Variants in FTCDNL1 observed in about 807,000 individuals in gnomAD.
The protein encoded by FTCDNL1 is formiminotransferase cyclodeaminase N-terminal like, also known as formiminotransferase N-terminal subdomain-containing protein.
Under a neutral mutation model 5.9 loss-of-function variants are expected in FTCDNL1, and 11 were observed. The ratio of observed to expected loss-of-function variants is 1.87; its 90% CI spans 1.18 to 3.10. FTCDNL1 has a LOEUF of 3.10. Ranked by LOEUF, FTCDNL1 falls within the 30% of genes most tolerant of loss-of-function variation. FTCDNL1 has a pLI of 0.00. For synonymous variants in FTCDNL1, 58 were observed against 24.8 expected, an observed-to-expected ratio of 2.34 and a Z score of -3.99; for missense variants, 115 against 65.5, an observed-to-expected ratio of 1.76 and a Z score of -2.61.
intron 3 of FTCDNL1, chr2:199,844,509 G>A: frequency 1.6e-6 from 1 of 645,010 alleles, no homozygotes. Flanking sequence ...AAGGCCTCTA[G>A]GCAGGCAGCC....
At chr2:199,764,023 G>C (rs1016386756) in intron 3 of FTCDNL1, among the ~76,000 whole-genome samples, 35 of 152,032 alleles carry the variant, frequency 2.3e-4, no homozygotes, top group Admixed American at 1.1e-3. Context: ...TATATTTTTA[G>C]TAGATACGGG....
At chr2:199,830,280 T>C (rs896624862) in intron 3 of FTCDNL1, among the ~76,000 whole-genome samples, 3 of 152,172 alleles carry the variant, frequency 2.0e-5, no homozygotes, top group Non-Finnish European at 4.4e-5. Context: ...GCACATAAAC[T>C]AAAACTGGCC....
chr2:199,757,247 CG>C (rs1375230826), downstream of FTCDNL1, among the ~76,000 whole-genome samples: 1 of 152,040 alleles, frequency 6.6e-6, no homozygotes, highest in Non-Finnish European at 1.5e-5. Context: ...TAGGAAAACA[CG>C]AGCTGGGGAA....
At chr2:199,829,439 T>TG (rs1213469967) in intron 3 of FTCDNL1, among the ~76,000 whole-genome samples, 1 of 152,218 alleles carries the variant, frequency 6.6e-6, no homozygotes, top group Non-Finnish European at 1.5e-5. Flanking sequence ...TCTGTGAGTT[T>TG]GGTTATATTC....
At chr2:199,698,811 C>CG in the FTCDNL1 span, among the ~76,000 whole-genome samples, 1 of 151,856 alleles carries the variant, frequency 6.6e-6, no homozygotes, top group East Asian at 1.9e-4. Context: ...AAAACCCATA[C>CG]AAAAGAGAGC....
chr2:199,791,914 G>T (rs1347703204), intron 3 of FTCDNL1, among the ~76,000 whole-genome samples: 1 of 151,866 alleles, frequency 6.6e-6, no homozygotes, highest in Non-Finnish European at 1.5e-5. Flanking sequence ...TTTGTATATA[G>T]TATCACCTTT....
chr2:199,688,180 A>G, the FTCDNL1 span, among the ~76,000 whole-genome samples: 1 of 150,998 alleles, frequency 6.6e-6, no homozygotes, highest in African/African-American at 2.4e-5. Context: ...GCAGTGAACC[A>G]AGATCATGCC....
chr2:199,745,072 GCCA>G, the FTCDNL1 span, among the ~76,000 whole-genome samples: 1 of 152,230 alleles, frequency 6.6e-6, no homozygotes, highest in East Asian at 1.9e-4. Flanking sequence ...CTGCCTACCT[GCCA>G]TTTTCCCCAC....
At chr2:199,821,754 C>T (rs1305797738) in intron 3 of FTCDNL1, among the ~76,000 whole-genome samples, 4 of 152,070 alleles carry the variant, frequency 2.6e-5, no homozygotes, top group East Asian at 3.9e-4. Context: ...TAAGCCACCA[C>T]GCCCAGCCTG....
chr2:199,721,082 A>T, the FTCDNL1 span, among the ~76,000 whole-genome samples: 1 of 152,136 alleles, frequency 6.6e-6, no homozygotes, highest in Non-Finnish European at 1.5e-5. Context: ...TTCATAAATT[A>T]TCTGCCGCTT....
At chr2:199,737,906 TATG>T in the FTCDNL1 span, among the ~76,000 whole-genome samples, 1 of 152,242 alleles carries the variant, frequency 6.6e-6, no homozygotes, top group Non-Finnish European at 1.5e-5. Flanking sequence ...AAGATATTTG[TATG>T]ATACTTGAAC....
At chr2:199,712,350 G>T in the FTCDNL1 span, among the ~76,000 whole-genome samples, 1 of 152,036 alleles carries the variant, frequency 6.6e-6, no homozygotes, top group African/African-American at 2.4e-5. Flanking sequence ...ACTTCAACTG[G>T]CACTTTTAAT....
At chr2:199,797,309 T>A (rs185375278) in intron 3 of FTCDNL1, among the ~76,000 whole-genome samples, 1 of 152,330 alleles carries the variant, frequency 6.6e-6, no homozygotes, top group East Asian at 1.9e-4. Context: ...TAAACATATA[T>A]TTATTCTAAG....
Position 199,848,891 on chromosome 2 carries a change from G to T in FTCDNL1, c.72C>A (p.Tyr24Ter). The T allele has an allele frequency of 2.8e-6, 2 of 702,290 alleles. No individual in the cohort carries two copies. Among genetic ancestry groups the T allele is most frequent in the Non-Finnish European group, 5.2e-6 (2 of 384,786 alleles). 43.5% of individuals were successfully genotyped at this position (702,290 alleles called of 1,614,324 possible). The change falls in exon 2 of 5, where the codon TAC (tyrosine) becomes TAA (stop). Residue 24 changes from tyrosine (Y) to a stop codon, truncating the protein, a stop_gained. Transcript: ENST00000420128. LOFTEE classifies it high-confidence loss of function. ...CTGCTTTTGCTATGTTCTCAACAAT[G>T]TATTTTCTTCCGGCTTCTGAAACGT... ...LLNVSEAGRK[Y>*]IVENIAKAAL...
At chr2:199,822,328 T>C (rs1034075388) in intron 3 of FTCDNL1, among the ~76,000 whole-genome samples, 4 of 152,142 alleles carry the variant, frequency 2.6e-5, no homozygotes, top group African/African-American at 9.7e-5. Context: ...CACTTGAGCC[T>C]GGAAGGTCAA....
At chr2:199,828,152 C>T (rs1702144886) in intron 3 of FTCDNL1, among the ~76,000 whole-genome samples, 1 of 151,896 alleles carries the variant, frequency 6.6e-6, no homozygotes, top group Admixed American at 6.6e-5. Context: ...ATTTAGATGG[C>T]CTGTGTTTCA....
chr2:199,767,386 A>T (rs1027172693), intron 3 of FTCDNL1, among the ~76,000 whole-genome samples: 2 of 152,174 alleles, frequency 1.3e-5, no homozygotes, highest in African/African-American at 4.8e-5. Context: ...CCCTCCAGTT[A>T]TCATCTTACT....
chr2:199,815,484 G>GTGT (rs2106477463), intron 4 of FTCDNL1, among the ~76,000 whole-genome samples: 2 of 152,158 alleles, frequency 1.3e-5, no homozygotes, highest in South Asian at 4.2e-4. Context: ...TAGCAACAAT[G>GTGT]TGTTGAGGTT....
At chr2:199,828,017 T>C (rs569603160) in intron 3 of FTCDNL1, among the ~76,000 whole-genome samples, 1 of 152,242 alleles carries the variant, frequency 6.6e-6, no homozygotes, top group African/African-American at 2.4e-5. Context: ...AAGGCCAAAA[T>C]AATATTTAGC....
Sources: allele counts gnomAD v4.1 joint callset (sites outside exome capture counted in the v4.1 genomes callset), GRCh38; gene constraint gnomAD v4.1.1; transcripts MANE v1.5; gene names NCBI Gene and HGNC (gene_info 2026-07-23, HGNC 2026-07-21).